CTNND2: variants seen among roughly 807,000 people sequenced by gnomAD.
The protein encoded by CTNND2 is catenin delta 2.
CTNND2 carries 22 observed loss-of-function variants against 144.4 expected under a neutral mutation model. The ratio of observed to expected loss-of-function variants is 0.15; its 90% confidence interval spans 0.11 to 0.22. The LOEUF (loss-of-function observed/expected upper bound fraction) is 0.22, where lower values mean the gene tolerates loss of function less well. Among genes scored for constraint, CTNND2 ranks in the 10% least tolerant of loss-of-function variants. The pLI, the probability that CTNND2 is intolerant of heterozygous loss-of-function variation, is 1.00. For missense variants in CTNND2, 1,353 were observed against 1,618.8 expected (o/e 0.84, Z 2.82); for synonymous variants, 751 against 695.6 (o/e 1.08, Z -1.25).
intron 3 of CTNND2, among the ~76,000 whole-genome samples, chr5:11,541,845 C>CT (rs1290891661): frequency 6.9e-6 from 1 of 144,118 alleles, no homozygotes; most frequent in Non-Finnish European, 1.5e-5. Flanking sequence ...TCGACCCCCC[C>CT]CCCCCGGCCA....
intron 9 of CTNND2, among the ~76,000 whole-genome samples, chr5:11,310,861 ACACT>A (rs1192162572): frequency 2.2e-5 from 3 of 136,616 alleles, no homozygotes; most frequent in African/African-American, 8.6e-5. Flanking sequence ...TTACACTCAT[ACACT>A]CACTCTCCAT....
intron 5 of CTNND2, among the ~76,000 whole-genome samples, chr5:11,408,007 T>C (rs900672436): frequency 1.3e-5 from 2 of 151,734 alleles, no homozygotes; most frequent in Non-Finnish European, 2.9e-5. Flanking sequence ...GAGAAGGAGA[T>C]TGGGGGAGGG....
intron 2 of CTNND2, among the ~76,000 whole-genome samples, chr5:11,668,760 T>A (rs928539235): frequency 3.3e-5 from 5 of 152,012 alleles, no homozygotes; most frequent in African/African-American, 1.2e-4. Context: ...CTGTATTTAT[T>A]TGTGTTGCCT....
In CTNND2 at chr5:11,110,951, C is replaced by A. The variant is rs1160702007; in HGVS notation, c.2370G>T (p.Leu790=). 2 of 1,614,178 alleles carry A rather than the reference C, an allele frequency of 1.2e-6. No individual in the cohort carries two copies. The highest frequency in any genetic ancestry group is 8.5e-7 in the Non-Finnish European group (1 of 1,180,020). ...TGGCCTCGCCACAGAGTAGCCCGTCCAGCTCGTCCGTGCCCATGTGCTGTC... is the reference window on the plus strand; with the variant it reads ...TGGCCTCGCCACAGAGTAGCCCGTCAAGCTCGTCCGTGCCCATGTGCTGTC... ...SQGQHMGTDE[L]DGLLCGEANG... is the part of the protein sequence containing the mutation. The change falls in exon 14 of 22, where the codon CTG becomes CTT. Residue 790 remains leucine, a synonymous_variant. Coordinates refer to ENST00000304623, the MANE Select transcript of CTNND2 (RefSeq NM_001332.4).
At chr5:11,485,226 G>C (rs1279962123) in intron 3 of CTNND2, among the ~76,000 whole-genome samples, 2 of 152,064 alleles carry the variant, frequency 1.3e-5, no homozygotes, top group African/African-American at 2.4e-5. Flanking sequence ...AATTGTTATT[G>C]GAAGAGTGAA....
intron 15 of CTNND2, among the ~76,000 whole-genome samples, chr5:11,086,866 A>C (rs1750208804): frequency 6.6e-6 from 1 of 152,224 alleles, no homozygotes; most frequent in African/African-American, 2.4e-5. Flanking sequence ...AAGGAGATTA[A>C]TACTATAATT....
At chr5:11,512,447 G>A (rs1290464376) in intron 3 of CTNND2, among the ~76,000 whole-genome samples, 1 of 152,188 alleles carries the variant, frequency 6.6e-6, no homozygotes, top group African/African-American at 2.4e-5. Context: ...TTTGAGCCTT[G>A]ACTGCAATGA....
At chr5:11,418,169 G>A (rs965020412) in intron 3 of CTNND2, among the ~76,000 whole-genome samples, 1 of 152,088 alleles carries the variant, frequency 6.6e-6, no homozygotes, top group African/African-American at 2.4e-5. Context: ...CACTTCAGGA[G>A]GCTGAGGTGG....
chr5:10,995,976 G>GAA, intron 18 of CTNND2, among the ~76,000 whole-genome samples: 1 of 152,160 alleles, frequency 6.6e-6, no homozygotes, highest in Non-Finnish European at 1.5e-5. Context: ...AGAGAAGAGA[G>GAA]AAAGGGAAGG....
chr5:11,888,274 C>A (rs1325594328), intron 1 of CTNND2, among the ~76,000 whole-genome samples: 1 of 152,128 alleles, frequency 6.6e-6, no homozygotes, highest in African/African-American at 2.4e-5. Flanking sequence ...AAGTTACAAC[C>A]TTACGACTAG....
At chr5:11,360,321 T>A (rs981935767) in intron 8 of CTNND2, among the ~76,000 whole-genome samples, 1 of 151,990 alleles carries the variant, frequency 6.6e-6, no homozygotes, top group African/African-American at 2.4e-5. Context: ...ATGTCTGAAG[T>A]TTTTTTTCTG....
At chr5:11,577,521 GATT>G (rs1377534790) in intron 2 of CTNND2, among the ~76,000 whole-genome samples, 1 of 152,194 alleles carries the variant, frequency 6.6e-6, no homozygotes. Context: ...GACAATGGGA[GATT>G]ATTATTTGAC....
chr5:11,879,642 G>A lies in CTNND2; in HGVS notation c.37+24175C>T, dbSNP rs186210589. ...TCTTTTTCTCTTATACAAAAATCTC[G>A]TTTCTATTTTATGTACAAGAATTAT... On this transcript the variant is annotated intron_variant, in intron 1 of 21. Coordinates refer to ENST00000304623, the MANE Select transcript of CTNND2 (RefSeq NM_001332.4). Among the ~76,000 whole-genome samples, 323 of 151,686 alleles carry A rather than the reference G, an allele frequency of 2.1e-3. 2 individuals are homozygous for A. The highest frequency in any genetic ancestry group is 7.1e-3 in the African/African-American group (293 of 41,364).
At chr5:11,766,075 A>G (rs1327606305) in intron 1 of CTNND2, among the ~76,000 whole-genome samples, 1 of 152,180 alleles carries the variant, frequency 6.6e-6, no homozygotes, top group Non-Finnish European at 1.5e-5. Flanking sequence ...ACCTTCTGTA[A>G]TAAGGGCTCA....
At chr5:11,695,121 G>T (rs1160389793) in intron 2 of CTNND2, among the ~76,000 whole-genome samples, 2 of 152,174 alleles carry the variant, frequency 1.3e-5, no homozygotes, top group Non-Finnish European at 2.9e-5. Flanking sequence ...TTCCATCAGG[G>T]TCTAGAGGAG....
chr5:11,748,961 T>C (rs952797598), intron 1 of CTNND2, among the ~76,000 whole-genome samples: 1 of 152,056 alleles, frequency 6.6e-6, no homozygotes, highest in African/African-American at 2.4e-5. Flanking sequence ...TATTGATCTC[T>C]CTTTGATCAT....
intron 18 of CTNND2, among the ~76,000 whole-genome samples, chr5:11,007,482 C>A (rs912854966): frequency 6.6e-6 from 1 of 152,222 alleles, no homozygotes; most frequent in African/African-American, 2.4e-5. Context: ...GTGGTTATGA[C>A]AGGACACGTG....
chr5:11,289,106 G>A (rs761336744), intron 9 of CTNND2, among the ~76,000 whole-genome samples: 3 of 152,136 alleles, frequency 2.0e-5, no homozygotes, highest in Non-Finnish European at 2.9e-5. Flanking sequence ...TGTGCTCCCA[G>A]GCCACTATCT....
chr5:11,737,763 G>A (rs11955159), intron 1 of CTNND2, among the ~76,000 whole-genome samples: 21,522 of 152,030 alleles, frequency 0.14, 1,708 homozygotes, highest in East Asian at 0.27. Context: ...TAATATAACA[G>A]GACTTCATGT....
Sources: allele counts gnomAD v4.1 joint callset (sites outside exome capture counted in the v4.1 genomes callset), GRCh38; gene constraint gnomAD v4.1.1; transcripts MANE v1.5; gene names NCBI Gene and HGNC (gene_info 2026-07-23, HGNC 2026-07-21).